The following SHISA7 variants were observed in gnomAD, a reference collection of about 807,000 sequenced individuals.
SHISA7 encodes protein shisa-7.
In SHISA7, 6 loss-of-function variants were observed where a neutral mutation model predicts 23.9. The observed-to-expected ratio is 0.25, with a 90% CI of 0.14 to 0.50. The LOEUF (loss-of-function observed/expected upper bound fraction) is 0.50, where lower values mean the gene tolerates loss of function less well. Among genes scored for constraint, SHISA7 ranks in the 20% least tolerant of loss-of-function variants. SHISA7 has a pLI of 0.98. For missense variants in SHISA7, 671 were observed against 801.1 expected (o/e 0.84, Z 1.96); for synonymous variants, 386 against 398.3 (o/e 0.97, Z 0.37).
chr19:55,430,119 G>A lies in SHISA7; in HGVS notation c.*3037C>T, dbSNP rs1398967138. 1.3e-5 allele frequency: 2 copies of A among 152,274 alleles called. No individual in the cohort carries two copies. The highest frequency in any genetic ancestry group is 2.9e-5 in the Non-Finnish European group (2 of 68,126). 9.4% of individuals were successfully genotyped at this position (152,274 alleles called of 1,614,324 possible). A position where few individuals can be genotyped will look rare whatever the true frequency, so the allele number is the denominator to read the frequency against. ...CCTGTCACCAATCAGATGGCTGGGT[G>A]AGGGACAGCGCTGCTGTCAGGAGGG... On this transcript the variant is annotated 3_prime_UTR_variant, in exon 4 of 4. Transcript: ENST00000376325.
chr19:55,437,650 C>G lies in SHISA7; in HGVS notation c.931G>C (p.Ala311Pro). 1 of 1,551,592 alleles carries G rather than the reference C, an allele frequency of 6.4e-7. No individual in the cohort carries two copies. Among genetic ancestry groups the G allele is most frequent in the Non-Finnish European group, 8.7e-7 (1 of 1,146,944 alleles). Reference protein sequence around the residue: ...LSHLPPSYEAAVKSELNRYSS... With the variant: ...LSHLPPSYEAPVKSELNRYSS... ...TAGCGGTTCAGCTCGGATTTCACGG[C>G]AGCCTCGTAGGACGGGGGCAGATGC... is the stretch of plus-strand genomic sequence containing the variant. Residue 311 changes from alanine (A) to proline (P), a missense_variant, in exon 3 of 4, where the codon GCC (alanine) becomes CCC (proline). Physicochemically the swap from Ala to Pro is conservative, Grantham distance 27. Coordinates refer to ENST00000376325, the MANE Select transcript of SHISA7 (RefSeq NM_001145176.2).
chr19:55,438,712 G>A (rs1037670440), intron 2 of SHISA7: 99 of 1,155,692 alleles, frequency 8.6e-5, no homozygotes, highest in Non-Finnish European at 1.1e-4. Context: ...GAAGGACTCT[G>A]GCCCCAAGGT....
Position 55,433,835 on chromosome 19 carries a change from C to G in SHISA7, c.977-39G>C. The stretch of plus-strand genomic sequence containing the variant: ...GGGAAAAGCCACAGCCGTGGGTCCC[C>G]TGCGCATCTAGAGCCCTCCCCCTCC... On this transcript the variant is annotated intron_variant, in intron 3 of 3. Coordinates refer to ENST00000376325, the MANE Select transcript of SHISA7 (RefSeq NM_001145176.2). This position sits in a 1 kb window ranked among gnomAD's most constrained non-coding sequence, Gnocchi z 8.4. The G allele has an allele frequency of 7.3e-7, 1 of 1,364,902 alleles. No homozygotes were observed. The highest frequency in any genetic ancestry group is 9.4e-7 in the Non-Finnish European group (1 of 1,066,284). 84.5% of individuals were successfully genotyped at this position (1,364,902 alleles called of 1,614,324 possible). A position where few individuals can be genotyped will look rare whatever the true frequency, so the allele number is the denominator to read the frequency against.
At chr19:55,435,345 GT>G (rs1985426367) in intron 3 of SHISA7, among the ~76,000 whole-genome samples, 1 of 52,230 alleles carries the variant, frequency 1.9e-5, no homozygotes. Context: ...TGTGTGTATG[GT>G]GTGTATGGTG....
At chr19:55,438,433 C>T (rs1052584405) in intron 2 of SHISA7, 12 of 791,514 alleles carry the variant, frequency 1.5e-5, no homozygotes, top group East Asian at 6.5e-5. Context: ...AGACCATGAG[C>T]GCCATGAGGA....
At position 55,442,261 on chromosome 19, in the gene SHISA7, G is replaced by A; in HGVS notation, c.603C>T (p.Val201=). The change falls in exon 1 of 4, where the codon GTC becomes GTT. Residue 201 remains valine (V), a synonymous_variant. Coordinates refer to ENST00000376325, the MANE Select transcript of SHISA7 (RefSeq NM_001145176.2). ...CCTTGCTGAAGGCCACTTTGGCGCCGACGCCCACGGCCAGGGCGAAGCTGA... is the reference window on the plus strand; with the variant it reads ...CCTTGCTGAAGGCCACTTTGGCGCCAACGCCCACGGCCAGGGCGAAGCTGA... ...GVISFALAVG[V]GAKVAFSKAS... is the part of the protein sequence containing the mutation. The A allele has an allele frequency of 1.3e-6, 2 of 1,533,846 alleles. No homozygotes were observed. Among genetic ancestry groups the A allele is most frequent in the Non-Finnish European group, 1.7e-6 (2 of 1,145,904 alleles).
Position 55,440,490 on chromosome 19 carries a change from G to A in SHISA7, c.826+121C>T, listed in dbSNP as rs1186834673. 14 of 946,024 alleles carry A rather than the reference G, an allele frequency of 1.5e-5. No homozygotes were observed. In the East Asian group the frequency reaches 4.6e-4, roughly 31 times the overall value. 58.6% of individuals were successfully genotyped at this position (946,024 alleles called of 1,614,324 possible). Reference sequence around the variant, plus strand: ...GGGCAGGACCCGGCAGTGCAAGGCGGGCGTAGGGGGTGAGGGCGGGTCCTG... The same window carrying A: ...GGGCAGGACCCGGCAGTGCAAGGCGAGCGTAGGGGGTGAGGGCGGGTCCTG... On this transcript the variant is annotated intron_variant, in intron 2 of 3. Transcript: ENST00000376325.
intron 3 of SHISA7, among the ~76,000 whole-genome samples, chr19:55,435,366 T>TGTGTGTGGTGTATATGTG (rs1985428500): frequency 3.0e-5 from 3 of 98,584 alleles, no homozygotes; most frequent in African/African-American, 8.0e-5. Context: ...GTGTGTGTGG[T>TGTGTGTGGTGTATATGTG]GTGTGTGTGG....
At chr19:55,434,221 A>C (rs2123345165) in intron 3 of SHISA7, among the ~76,000 whole-genome samples, 1 of 152,206 alleles carries the variant, frequency 6.6e-6, no homozygotes, top group Non-Finnish European at 1.5e-5. Flanking sequence ...TAATAAGGGA[A>C]TCAGGGGTAA....
At chr19:55,438,486 T>C (rs78961197) in intron 2 of SHISA7, 35,137 of 1,245,454 alleles carry the variant, frequency 0.028, 550 homozygotes, top group Non-Finnish European at 0.031. Flanking sequence ...ACTGGGCACC[T>C]GGCATGGCTG....
intron 2 of SHISA7, among the ~76,000 whole-genome samples, chr19:55,438,870 A>ACC (rs1555754014): frequency 3.2e-5 from 4 of 124,328 alleles, no homozygotes; most frequent in Non-Finnish European, 5.0e-5. Context: ...AGTTCTTAGC[A>ACC]CCCCCCCCCC....
intron 1 of SHISA7, among the ~76,000 whole-genome samples, chr19:55,441,762 T>G (rs1203297341): frequency 6.6e-6 from 1 of 152,090 alleles, no homozygotes; most frequent in Non-Finnish European, 1.5e-5. Flanking sequence ...TCCGAATAGG[T>G]GGGGACGATG....
chr19:55,442,324 G>T lies in SHISA7; in HGVS notation c.540C>A (p.Gly180=). Residue 180 remains glycine, a synonymous_variant, in exon 1 of 4, where the codon GGC becomes GGA. Coordinates refer to ENST00000376325, the MANE Select transcript of SHISA7 (RefSeq NM_001145176.2). ...TGGAGGRGGE[G]PGGSTAYVVC... is the part of the protein sequence containing the mutation. ...CGACGTAGGCTGTGCTGCCCCCGGGGCCCTCGCCCCCGCGGCCCCCGGCAC... is the reference window on the plus strand; with the variant it reads ...CGACGTAGGCTGTGCTGCCCCCGGGTCCCTCGCCCCCGCGGCCCCCGGCAC... The T allele has an allele frequency of 6.7e-7, 1 of 1,491,798 alleles. No individual in the cohort carries two copies. The highest frequency in any genetic ancestry group is 8.9e-7 in the Non-Finnish European group (1 of 1,127,554). 92.4% of individuals were successfully genotyped at this position (1,491,798 alleles called of 1,614,324 possible). A position where few individuals can be genotyped will look rare whatever the true frequency, so the allele number is the denominator to read the frequency against.
chr19:55,437,558 C>G (rs1307572831), intron 3 of SHISA7, 47 bp downstream of exon 3: 1 of 1,537,592 alleles, frequency 6.5e-7, no homozygotes, highest in East Asian at 2.5e-5. Flanking sequence ...CAGGCTCTGG[C>G]CCCGCCCCCT....
chr19:55,442,090 C>T (rs1985610022), intron 1 of SHISA7, 103 bp downstream of exon 1: 3 of 1,202,150 alleles, frequency 2.5e-6, no homozygotes, highest in Non-Finnish European at 3.3e-6. Context: ...GGGTCTCTGA[C>T]CACCACGCCC....
intron 3 of SHISA7, among the ~76,000 whole-genome samples, chr19:55,434,565 TGTGTGTGTATG>T (rs1156294640): frequency 2.9e-5 from 3 of 104,344 alleles, no homozygotes; most frequent in Non-Finnish European, 3.9e-5. Flanking sequence ...GTGTGTGTGG[TGTGTGTGTATG>T]GTGTGTGTGT....
At chr19:55,439,532 C>T (rs893496926) in intron 2 of SHISA7, among the ~76,000 whole-genome samples, 1 of 152,170 alleles carries the variant, frequency 6.6e-6, no homozygotes, top group Non-Finnish European at 1.5e-5. Context: ...AGGACGGAGG[C>T]GGAGTTCCTC....
rs192081455 is a variant in SHISA7 at position 55,441,637 on chromosome 19, C to G, written c.671+556G>C. ...TCTCTCAACACTTTCCGCTGATTTT[C>G]TTCACAGCAGTCATCTAAAATTACA... On this transcript the variant is annotated intron_variant, in intron 1 of 3. Coordinates refer to ENST00000376325, the MANE Select transcript of SHISA7 (RefSeq NM_001145176.2). Among the ~76,000 whole-genome samples, 592 of 152,344 alleles carry G rather than the reference C, an allele frequency of 3.9e-3. 6 individuals carry two copies. The highest frequency in any genetic ancestry group is 0.013 in the African/African-American group (552 of 41,566).
Position 55,433,257 on chromosome 19 carries a change from G to T in SHISA7, c.1516C>A (p.Pro506Thr). Residue 506 changes from proline to threonine, a missense_variant, in exon 4 of 4, where the codon CCC (proline) becomes ACC (threonine). Transcript: ENST00000376325. The surrounding 1 kb of genome is among the most constrained non-coding windows in gnomAD (Gnocchi z 8.4). ...GGGGTLARRP[P>T]FQRQGTLEQL... ...TCCAGCGTGCCCTGGCGCTGGAAGGGCGGCCTGCGGGCCAGTGTGCCCCCG... is the reference window on the plus strand; with the variant it reads ...TCCAGCGTGCCCTGGCGCTGGAAGGTCGGCCTGCGGGCCAGTGTGCCCCCG... 6.6e-7 allele frequency: 1 copy of T among 1,520,870 alleles called. No homozygotes were observed. The highest frequency in any genetic ancestry group is 8.8e-7 in the Non-Finnish European group (1 of 1,140,844). The allele number at this position is 1,520,870 out of a possible 1,614,324, so 94.2% of individuals were successfully genotyped here.
Sources: allele counts gnomAD v4.1 joint callset (sites outside exome capture counted in the v4.1 genomes callset), GRCh38; gene constraint gnomAD v4.1.1; non-coding constraint Gnocchi (gnomAD v3.1); transcripts MANE v1.5; gene names NCBI Gene and HGNC (gene_info 2026-07-23, HGNC 2026-07-21).